The following NPAS3 variants were observed in gnomAD, a reference collection of about 807,000 sequenced individuals.
NPAS3 encodes neuronal PAS domain protein 3, also known as neuronal PAS domain-containing protein 3.
In NPAS3, 14 loss-of-function variants were observed where a neutral mutation model predicts 73.1. The ratio of observed to expected loss-of-function variants is 0.19; its 90% CI spans 0.13 to 0.30. NPAS3 has a LOEUF of 0.30. Among genes scored for constraint, NPAS3 ranks in the 10% least tolerant of loss-of-function variants. The pLI, the probability that NPAS3 is intolerant of heterozygous loss-of-function variation, is 1.00. For missense variants in NPAS3, 1,096 were observed against 1,250.0 expected (o/e 0.88, Z 1.86); for synonymous variants, 620 against 541.5 (o/e 1.14, Z -2.01).
At chr14:33,022,226 C>T (rs965427489) in intron 1 of NPAS3, among the ~76,000 whole-genome samples, 2 of 152,078 alleles carry the variant, frequency 1.3e-5, no homozygotes, top group African/African-American at 2.4e-5. Flanking sequence ...ACAGAGATTA[C>T]GAGTCAATAT....
chr14:33,663,781 A>G (rs2059376815), intron 5 of NPAS3, among the ~76,000 whole-genome samples: 1 of 152,050 alleles, frequency 6.6e-6, no homozygotes, highest in South Asian at 2.1e-4. Context: ...GGGAGGGTGT[A>G]TGTGTCCAGG....
At chr14:32,963,930 A>T (rs897150477) in intron 1 of NPAS3, among the ~76,000 whole-genome samples, 6 of 152,022 alleles carry the variant, frequency 3.9e-5, no homozygotes, top group Non-Finnish European at 5.9e-5. Flanking sequence ...GAGGTCTGAG[A>T]CACCATTAAT....
chr14:33,616,367 G>A (rs1248606636), intron 5 of NPAS3, among the ~76,000 whole-genome samples: 1 of 152,162 alleles, frequency 6.6e-6, no homozygotes, highest in East Asian at 1.9e-4. Context: ...ATGAATTTGT[G>A]TTTACCTTTG....
At chr14:33,497,609 A>G (rs1456519960) in intron 4 of NPAS3, among the ~76,000 whole-genome samples, 2 of 152,176 alleles carry the variant, frequency 1.3e-5, no homozygotes, top group African/African-American at 4.8e-5. Context: ...AGGATTACCT[A>G]TATAACAAAT....
intron 2 of NPAS3, among the ~76,000 whole-genome samples, chr14:33,076,152 C>T (rs1310782926): frequency 6.6e-6 from 1 of 152,088 alleles, no homozygotes; most frequent in African/African-American, 2.4e-5. Flanking sequence ...TTTTTATGCT[C>T]AAATTTATAA....
intron 1 of NPAS3, among the ~76,000 whole-genome samples, chr14:33,019,307 A>G (rs1012116214): frequency 6.6e-6 from 1 of 152,252 alleles, no homozygotes; most frequent in Non-Finnish European, 1.5e-5. Flanking sequence ...TAGTTGCTTT[A>G]TCATAATTGC....
chr14:33,519,553 T>C (rs2053465017), intron 4 of NPAS3, among the ~76,000 whole-genome samples: 1 of 152,126 alleles, frequency 6.6e-6, no homozygotes. Flanking sequence ...TGCGTATTAT[T>C]TGTGTAACGT....
intron 7 of NPAS3, among the ~76,000 whole-genome samples, chr14:33,748,379 T>C (rs1309166633): frequency 6.6e-6 from 1 of 152,206 alleles, no homozygotes; most frequent in African/African-American, 2.4e-5. Context: ...TGCTATCATA[T>C]TCAGTTTTTT....
intron 4 of NPAS3, among the ~76,000 whole-genome samples, chr14:33,477,666 G>T (rs1308136258): frequency 6.6e-6 from 1 of 152,130 alleles, no homozygotes; most frequent in Non-Finnish European, 1.5e-5. Context: ...CCAAAAGCCA[G>T]AAAATCGGAG....
chr14:33,482,310 A>G (rs1234521806), intron 4 of NPAS3, among the ~76,000 whole-genome samples: 2 of 152,144 alleles, frequency 1.3e-5, no homozygotes, highest in African/African-American at 2.4e-5. Context: ...GGCCCTATAA[A>G]TGCTTGTATG....
chr14:33,263,933 A>G lies in NPAS3; in HGVS notation c.385+48507A>G, dbSNP rs536414775. Among the ~76,000 whole-genome samples, 3 of 152,328 alleles carry G rather than the reference A, an allele frequency of 2.0e-5. No individual in the cohort carries two copies. In the East Asian group the frequency reaches 5.8e-4, roughly 29 times the overall value. The stretch of plus-strand genomic sequence containing the variant: ...CATCCCATTACTGGGTATATACCCA[A>G]AGGATTATAAATCATGCTGCTATAA... On this transcript the variant is annotated intron_variant, in intron 3 of 11. Transcript: ENST00000356141.
At chr14:33,700,210 T>C (rs564784677) in intron 6 of NPAS3, among the ~76,000 whole-genome samples, 10 of 152,228 alleles carry the variant, frequency 6.6e-5, no homozygotes, top group Non-Finnish European at 1.5e-4. Flanking sequence ...TGCGACTGTG[T>C]TTTATATCCC....
At chr14:33,309,474 T>G (rs1294224034) in intron 3 of NPAS3, among the ~76,000 whole-genome samples, 3 of 152,252 alleles carry the variant, frequency 2.0e-5, no homozygotes, top group Non-Finnish European at 4.4e-5. Flanking sequence ...ATGTGTGGGC[T>G]GTGCGACTCT....
intron 2 of NPAS3, among the ~76,000 whole-genome samples, chr14:33,107,914 G>A (rs1427163432): frequency 6.6e-6 from 1 of 152,108 alleles, no homozygotes. Context: ...TACACAATGT[G>A]CTTTTAATTC....
At chr14:33,087,214 T>TGTACA (rs2042065305) in intron 2 of NPAS3, among the ~76,000 whole-genome samples, 4 of 107,052 alleles carry the variant, frequency 3.7e-5, no homozygotes, top group South Asian at 2.5e-4. Context: ...ATAGTATTAT[T>TGTACA]ATTATTGTAT....
intron 4 of NPAS3, among the ~76,000 whole-genome samples, chr14:33,419,355 A>G (rs776052799): frequency 6.6e-6 from 1 of 151,882 alleles, no homozygotes; most frequent in African/African-American, 2.4e-5. Context: ...TTCATTGTAT[A>G]CCTATAAATT....
At chr14:33,657,789 T>TA (rs34461549) in intron 5 of NPAS3, among the ~76,000 whole-genome samples, 8,050 of 149,560 alleles carry the variant, frequency 0.054, 238 homozygotes, top group East Asian at 0.13. Flanking sequence ...GCAGATTATG[T>TA]AAAAAAAAAA....
chr14:33,199,556 T>C (rs1254630783), intron 2 of NPAS3, among the ~76,000 whole-genome samples: 1 of 152,130 alleles, frequency 6.6e-6, no homozygotes, highest in Non-Finnish European at 1.5e-5. Context: ...ACCTCCAGAG[T>C]GTAGAAAGGG....
At chr14:33,050,091 C>T (rs1434956664) in intron 1 of NPAS3, among the ~76,000 whole-genome samples, 1 of 152,146 alleles carries the variant, frequency 6.6e-6, no homozygotes, top group Admixed American at 6.5e-5. Flanking sequence ...TAATTGGAAT[C>T]AGACTCCTAG....
Sources: gnomAD v4.1 joint callset for allele counts (sites outside exome capture counted in the v4.1 genomes callset) on GRCh38, gnomAD v4.1.1 for gene constraint, MANE v1.5 for transcripts, NCBI Gene and HGNC (gene_info 2026-07-23, HGNC 2026-07-21) for gene names.